ADARB2: variants seen among roughly 807,000 people sequenced by gnomAD.
ADARB2 encodes adenosine deaminase RNA specific B2 (inactive), also known as inactive double-stranded RNA-specific editase B2.
A neutral mutation model predicts 62.2 loss-of-function variants in ADARB2; 25 were observed. That is an observed-to-expected ratio of 0.40 (90% CI 0.29 to 0.56). The LOEUF is 0.56. ADARB2 is among the 20% of genes least tolerant of loss of function. The probability of loss-of-function intolerance (pLI) is 0.43; values close to 1 mark genes in which losing one functional copy is unlikely to be tolerated. For missense variants in ADARB2, 1,071 were observed against 1,077.4 expected (o/e 0.99, Z 0.08); for synonymous variants, 572 against 500.8 (o/e 1.14, Z -1.90).
intron 1 of ADARB2, among the ~76,000 whole-genome samples, chr10:1,516,261 C>T (rs996948192): frequency 1.3e-5 from 2 of 152,222 alleles, no homozygotes; most frequent in African/African-American, 4.8e-5. Flanking sequence ...TCCATCCTGA[C>T]CCGAGGCCCT....
At chr10:1,334,166 C>T (rs1247441197) in intron 3 of ADARB2, among the ~76,000 whole-genome samples, 2 of 152,060 alleles carry the variant, frequency 1.3e-5, no homozygotes, top group African/African-American at 4.8e-5. Context: ...AGCGGTACGG[C>T]GGGAAACATG....
intron 1 of ADARB2, among the ~76,000 whole-genome samples, chr10:1,593,772 A>G (rs1468680726): frequency 6.6e-6 from 1 of 152,182 alleles, no homozygotes; most frequent in African/African-American, 2.4e-5. Context: ...TTCCAAGTTT[A>G]TTTGACTTTT....
At chr10:1,580,327 A>T (rs761590557) in intron 1 of ADARB2, among the ~76,000 whole-genome samples, 15 of 152,072 alleles carry the variant, frequency 9.9e-5, no homozygotes, top group African/African-American at 3.4e-4. Context: ...TGAAGTCTCA[A>T]CATCTAGCCC....
chr10:1,461,222 C>A (rs972890650), intron 1 of ADARB2, among the ~76,000 whole-genome samples: 1 of 152,116 alleles, frequency 6.6e-6, no homozygotes, highest in Non-Finnish European at 1.5e-5. Flanking sequence ...CGCCCCAGAC[C>A]GAATTATTTC....
At chr10:1,321,964 G>A (rs771296197) in intron 3 of ADARB2, among the ~76,000 whole-genome samples, 3 of 152,036 alleles carry the variant, frequency 2.0e-5, no homozygotes, top group Non-Finnish European at 2.9e-5. Flanking sequence ...TTGGGTTCTC[G>A]GTGAGGGATG....
intron 1 of ADARB2, among the ~76,000 whole-genome samples, chr10:1,685,756 C>T (rs1253170584): frequency 6.6e-6 from 1 of 152,230 alleles, no homozygotes; most frequent in Non-Finnish European, 1.5e-5. Context: ...CCCAAGGGTC[C>T]TGCCCAGACC....
intron 8 of ADARB2, among the ~76,000 whole-genome samples, chr10:1,191,060 A>T (rs897936830): frequency 1.3e-5 from 2 of 150,548 alleles, no homozygotes; most frequent in African/African-American, 5.0e-5. Flanking sequence ...TCTGGGCCCC[A>T]CACTGAGTAG....
Position 1,533,621 on chromosome 10 carries a change from A to G in ADARB2, c.101-154461T>C, listed in dbSNP as rs145445278. Among the ~76,000 whole-genome samples the G allele has an allele frequency of 3.9e-4, 60 of 152,342 alleles. No individual in the cohort carries two copies. The Middle Eastern group carries it at 0.014, about 35-fold the overall frequency. ...GCAGTGGGTTCTTGCCTTTGCCACA[A>G]AAGATGCTGCCCTTGGGAATACCAG... is the stretch of plus-strand genomic sequence containing the variant. On this transcript the variant is annotated intron_variant, in intron 1 of 9. Transcript: ENST00000381312.
chr10:1,555,973 T>C (rs1832694737), intron 1 of ADARB2, among the ~76,000 whole-genome samples: 2 of 152,198 alleles, frequency 1.3e-5, no homozygotes, highest in Admixed American at 1.3e-4. Context: ...AACATACATG[T>C]TGTGCATGTT....
intron 1 of ADARB2, among the ~76,000 whole-genome samples, chr10:1,597,288 A>AT (rs1296515050): frequency 6.6e-6 from 1 of 152,190 alleles, no homozygotes; most frequent in Non-Finnish European, 1.5e-5. Context: ...GGTGACTATG[A>AT]TTTTTATCAT....
At chr10:1,569,551 G>A (rs1832908171) in intron 1 of ADARB2, among the ~76,000 whole-genome samples, 1 of 152,194 alleles carries the variant, frequency 6.6e-6, no homozygotes, top group Non-Finnish European at 1.5e-5. Flanking sequence ...TTCAGCTTCT[G>A]ATTTTATTCT....
chr10:1,390,689 T>A (rs1353249570), intron 1 of ADARB2, among the ~76,000 whole-genome samples: 1 of 152,332 alleles, frequency 6.6e-6, no homozygotes, highest in South Asian at 2.1e-4. Context: ...AGCTCAAATA[T>A]ATTAAAAAGC....
intron 4 of ADARB2, among the ~76,000 whole-genome samples, chr10:1,260,859 A>G (rs376589672): frequency 1.6e-4 from 24 of 147,346 alleles, no homozygotes; most frequent in East Asian, 4.0e-4. Context: ...ATCCTAAGCC[A>G]AAAGAACAAA....
intron 3 of ADARB2, among the ~76,000 whole-genome samples, chr10:1,286,372 T>C (rs777274429): frequency 6.6e-6 from 1 of 152,226 alleles, no homozygotes; most frequent in Non-Finnish European, 1.5e-5. Context: ...CTCTATGTCA[T>C]GTAATGAGCC....
intron 1 of ADARB2, among the ~76,000 whole-genome samples, chr10:1,483,597 G>T (rs192992902): frequency 1.6e-5 from 2 of 126,344 alleles, no homozygotes; most frequent in East Asian, 4.6e-4. Context: ...TTCTATCCCA[G>T]AGTATTATTT....
chr10:1,232,187 C>T (rs774972598), intron 6 of ADARB2, among the ~76,000 whole-genome samples: 32 of 151,924 alleles, frequency 2.1e-4, no homozygotes, highest in African/African-American at 3.9e-4. Context: ...GCACACACAC[C>T]GCACACATAG....
chr10:1,389,858 C>T (rs184421000), intron 1 of ADARB2, among the ~76,000 whole-genome samples: 154 of 152,210 alleles, frequency 1.0e-3, no homozygotes, highest in Non-Finnish European at 1.9e-3. Flanking sequence ...CAGAGCTCAT[C>T]CCCTGGTATA....
chr10:1,253,578 TA>T (rs1831054297), intron 4 of ADARB2, among the ~76,000 whole-genome samples: 1 of 152,280 alleles, frequency 6.6e-6, no homozygotes, highest in South Asian at 2.1e-4. Flanking sequence ...GGAAAGAGGA[TA>T]AAAAACTGTG....
intron 3 of ADARB2, among the ~76,000 whole-genome samples, chr10:1,353,147 C>T (rs1221175796): frequency 6.6e-6 from 1 of 152,190 alleles, no homozygotes; most frequent in Non-Finnish European, 1.5e-5. Flanking sequence ...GATTGGCCCC[C>T]GCCTAGGACT....
Sources: gnomAD v4.1 joint callset for allele counts (sites outside exome capture counted in the v4.1 genomes callset) on GRCh38, gnomAD v4.1.1 for gene constraint, MANE v1.5 for transcripts, NCBI Gene and HGNC (gene_info 2026-07-23, HGNC 2026-07-21) for gene names.